The following RPAP2 variants were observed in gnomAD, a reference collection of about 807,000 sequenced individuals.
RPAP2 encodes the protein RNA polymerase II associated protein 2.
In RPAP2, 52 loss-of-function variants were observed where a neutral mutation model predicts 73.1. The observed-to-expected ratio is 0.71, with a 90% CI of 0.57 to 0.90. The LOEUF (loss-of-function observed/expected upper bound fraction) is 0.90, where lower values mean the gene tolerates loss of function less well. Among genes scored for constraint, RPAP2 ranks in the 40% least tolerant of loss-of-function variants. The pLI, the probability that RPAP2 is intolerant of heterozygous loss-of-function variation, is 0.00. For synonymous variants in RPAP2, 225 were observed against 242.1 expected (o/e 0.93, Z 0.65); for missense variants, 598 against 701.8 (o/e 0.85, Z 1.67).
At chr1:92,356,240 G>A (rs912833273) in intron 11 of RPAP2, among the ~76,000 whole-genome samples, 2 of 151,226 alleles carry the variant, frequency 1.3e-5, no homozygotes, top group African/African-American at 4.9e-5. Flanking sequence ...GCCTCCCAAA[G>A]TGCTAGGATT....
chr1:92,302,224 C>T (rs1415198640), intron 3 of RPAP2, among the ~76,000 whole-genome samples: 1 of 151,496 alleles, frequency 6.6e-6, no homozygotes, highest in East Asian at 1.9e-4. Flanking sequence ...TTGCAGTGAG[C>T]TGAGATCACA....
chr1:92,307,626 G>T (rs572066896), intron 6 of RPAP2, among the ~76,000 whole-genome samples: 160 of 152,196 alleles, frequency 1.1e-3, no homozygotes, highest in Middle Eastern at 0.01. Context: ...TAGGATCCAG[G>T]TGAACTCTGC....
Position 92,393,762 on chromosome 1 carries a change from C to T in RPAP2, c.*6751C>T, listed in dbSNP as rs1656113344. 1.3e-5 allele frequency: 2 copies of T among 152,138 alleles called. No individual in the cohort carries two copies. The highest frequency in any genetic ancestry group is 6.5e-5 in the Admixed American group (1 of 15,280). The allele number at this position is 152,138 out of a possible 1,614,324, so 9.4% of individuals were successfully genotyped here. ...CACTAGTCATTAGAGAAATGAAAAT[C>T]AAAACCACAGTGAGATACCATCTCA... On this transcript the variant is annotated 3_prime_UTR_variant, in exon 13 of 13. Transcript: ENST00000610020.
At chr1:92,315,489 A>G (rs1651853181) in intron 6 of RPAP2, among the ~76,000 whole-genome samples, 1 of 152,248 alleles carries the variant, frequency 6.6e-6, no homozygotes, top group Non-Finnish European at 1.5e-5. Context: ...TACCACAAAC[A>G]TTCAATTTGT....
rs1258954439 is a variant in RPAP2 at position 92,299,086 on chromosome 1, G to T, written c.13G>T (p.Ala5Ser). 6 of 1,515,074 alleles carry T rather than the reference G, an allele frequency of 4.0e-6. No homozygotes were observed. The highest frequency in any genetic ancestry group is 3.8e-5 in the South Asian group (3 of 79,754). 93.9% of individuals were successfully genotyped at this position (1,515,074 alleles called of 1,614,324 possible). A position where few individuals can be genotyped will look rare whatever the true frequency, so the allele number is the denominator to read the frequency against. The change falls in exon 1 of 13, where the codon GCT becomes TCT. Residue 5 changes from alanine (A) to serine (S), a missense_variant. By Grantham distance (99) the Ala-to-Ser change is moderately conservative. This residue lies in a region of RPAP2 where 77 missense variants were observed against 55.7 expected (regional missense o/e 1.38). Coordinates refer to ENST00000610020, the MANE Select transcript of RPAP2 (RefSeq NM_024813.3). The part of the protein sequence containing the change: MADF[A>S]GPSSAGRKAG... Reference sequence around the variant, plus strand: ...ACTACTCTCCCCCATGGCGGACTTCGCTGGGCCGTCTTCTGCCGGCCGCAA... The same window carrying T: ...ACTACTCTCCCCCATGGCGGACTTCTCTGGGCCGTCTTCTGCCGGCCGCAA...
intron 10 of RPAP2, among the ~76,000 whole-genome samples, chr1:92,345,399 AAAGAG>A (rs1166976317): frequency 9.0e-5 from 13 of 143,770 alleles, no homozygotes; most frequent in African/African-American, 2.9e-4. Flanking sequence ...AAAAAAAAAA[AAAGAG>A]AGAGAGAGAA....
chr1:92,319,898 T>C (rs941573395), intron 6 of RPAP2, among the ~76,000 whole-genome samples: 19 of 151,372 alleles, frequency 1.3e-4, no homozygotes, highest in African/African-American at 4.6e-4. Context: ...CTTGAGAGGC[T>C]GAGGCAGGAG....
chr1:92,338,761 G>A (rs1174439295), intron 10 of RPAP2, among the ~76,000 whole-genome samples: 2 of 151,224 alleles, frequency 1.3e-5, no homozygotes, highest in African/African-American at 2.4e-5. Flanking sequence ...GCCGCAGCCT[G>A]GCTAATTTTT....
intron 6 of RPAP2, among the ~76,000 whole-genome samples, chr1:92,313,973 C>T (rs1651749906): frequency 6.6e-6 from 1 of 152,198 alleles, no homozygotes; most frequent in Non-Finnish European, 1.5e-5. Flanking sequence ...TCTCAGTCTT[C>T]ACAGAATTGA....
At chr1:92,341,100 C>G (rs1653566427) in intron 10 of RPAP2, among the ~76,000 whole-genome samples, 1 of 152,060 alleles carries the variant, frequency 6.6e-6, no homozygotes, top group Admixed American at 6.6e-5. Context: ...CCTCTGCCTC[C>G]CAGTCTCAAG....
At position 92,387,521 on chromosome 1, in the gene RPAP2, TC is replaced by T. The variant is rs1243306667; in HGVS notation, c.*511del. ...CCAAAACAGGAAAATCTCAGAACTT[TC>T]TGGACTCAAGGAAATGCTTTAAATG... On this transcript the variant is annotated 3_prime_UTR_variant, in exon 13 of 13. Coordinates refer to ENST00000610020, the MANE Select transcript of RPAP2 (RefSeq NM_024813.3). The T allele has an allele frequency of 1.3e-5, 2 of 152,204 alleles. No homozygotes were observed. Among genetic ancestry groups the T allele is most frequent in the Non-Finnish European group, 2.9e-5 (2 of 68,050 alleles). The allele number at this position is 152,204 out of a possible 1,614,324, so 9.4% of individuals were successfully genotyped here. A position where few individuals can be genotyped will look rare whatever the true frequency, so the allele number is the denominator to read the frequency against.
chr1:92,314,306 G>T (rs75279110), intron 6 of RPAP2, among the ~76,000 whole-genome samples: 3,598 of 148,640 alleles, frequency 0.024, 99 homozygotes, highest in African/African-American at 0.068. Flanking sequence ...CATTGTAAGG[G>T]TTTTTTTGTT....
At chr1:92,369,123 GA>G (rs1655045695) in intron 11 of RPAP2, among the ~76,000 whole-genome samples, 1 of 152,144 alleles carries the variant, frequency 6.6e-6, no homozygotes, top group African/African-American at 2.4e-5. Flanking sequence ...ACTTTCAACA[GA>G]AATCTTTTGT....
chr1:92,362,576 A>G (rs1654775150), intron 11 of RPAP2, among the ~76,000 whole-genome samples: 1 of 152,212 alleles, frequency 6.6e-6, no homozygotes, highest in Admixed American at 6.5e-5. Context: ...ATCAGAATAC[A>G]CAAGGCTTAA....
At chr1:92,366,600 TC>T (rs1654945682) in intron 11 of RPAP2, among the ~76,000 whole-genome samples, 1 of 152,170 alleles carries the variant, frequency 6.6e-6, no homozygotes, top group Admixed American at 6.5e-5. Context: ...TGGAGTTGAA[TC>T]TTCTGCCTTT....
At chr1:92,348,890 A>T (rs1055228666) in intron 11 of RPAP2, among the ~76,000 whole-genome samples, 4 of 152,206 alleles carry the variant, frequency 2.6e-5, no homozygotes, top group African/African-American at 9.7e-5. Context: ...GGGAAAGCAA[A>T]AACAGGCATG....
chr1:92,343,137 T>C (rs1330247868), intron 10 of RPAP2, among the ~76,000 whole-genome samples: 1 of 152,082 alleles, frequency 6.6e-6, no homozygotes, highest in Non-Finnish European at 1.5e-5. Flanking sequence ...CACTCCAGTA[T>C]TAAAAGGTCC....
In RPAP2 at chr1:92,388,966, T is replaced by C. The variant is rs574964933; in HGVS notation, c.*1955T>C. 2.6e-5 allele frequency: 4 copies of C among 152,378 alleles called. No individual in the cohort carries two copies. Among genetic ancestry groups the C allele is most frequent in the African/African-American group, 9.6e-5 (4 of 41,564 alleles). The allele number at this position is 152,378 out of a possible 1,614,324, so 9.4% of individuals were successfully genotyped here. A position where few individuals can be genotyped will look rare whatever the true frequency, so the allele number is the denominator to read the frequency against. On this transcript the variant is annotated 3_prime_UTR_variant, in exon 13 of 13. Coordinates refer to ENST00000610020, the MANE Select transcript of RPAP2 (RefSeq NM_024813.3). ...ATTCCACCTCCAGGGGCAGGGCATA[T>C]CTGAACAAAAGGCAGCAGACAGCTT...
rs1332442130 is a variant in RPAP2 at position 92,387,227 on chromosome 1, A to T, written c.*216A>T. On this transcript the variant is annotated 3_prime_UTR_variant, in exon 13 of 13. Transcript: ENST00000610020. ...GAGAATCATTACTCCAACAAGAATA[A>T]CCAAGTCTTTGTATCCCTAGTACAA... 2.6e-6 allele frequency: 1 copy of T among 391,952 alleles called. No homozygotes were observed. Among genetic ancestry groups the T allele is most frequent in the East Asian group, 3.7e-5 (1 of 26,948 alleles). The allele number at this position is 391,952 out of a possible 1,614,324, so 24.3% of individuals were successfully genotyped here. A position where few individuals can be genotyped will look rare whatever the true frequency, so the allele number is the denominator to read the frequency against.
Sources: allele counts gnomAD v4.1 joint callset (sites outside exome capture counted in the v4.1 genomes callset), GRCh38; gene constraint gnomAD v4.1.1; regional missense constraint gnomAD v4.1.1; transcripts MANE v1.5; gene names NCBI Gene and HGNC (gene_info 2026-07-23, HGNC 2026-07-21).